The following GABRA3 variants were observed in gnomAD, a reference collection of about 807,000 sequenced individuals.
GABRA3 encodes gamma-aminobutyric acid type A receptor subunit alpha3.
GABRA3 carries 10 observed loss-of-function variants against 30.1 expected under a neutral mutation model. That is an observed-to-expected ratio of 0.33 (90% CI 0.20 to 0.56). GABRA3 has a LOEUF of 0.56. Among genes scored for constraint, GABRA3 ranks in the 20% least tolerant of loss-of-function variants. The probability of loss-of-function intolerance (pLI) is 0.89; values close to 1 mark genes in which losing one functional copy is unlikely to be tolerated. For missense variants in GABRA3, 233 were observed against 392.0 expected (o/e 0.59, Z 3.42); for synonymous variants, 151 against 146.8 (o/e 1.03, Z -0.21).
intron 9 of GABRA3, among the ~76,000 whole-genome samples, chrX:152,189,254 T>C (rs1033264633): frequency 1.8e-5 from 2 of 112,178 alleles, no homozygotes; most frequent in African/African-American, 6.5e-5. Flanking sequence ...AGTTGGGACT[T>C]GAAGAATGAG....
chrX:152,327,026 A>G (rs1940073322), intron 3 of GABRA3, among the ~76,000 whole-genome samples: 1 of 100,885 alleles, frequency 9.9e-6, no homozygotes, highest in Admixed American at 1.1e-4. Context: ...AAGCAAATGG[A>G]AAAAAAAAAA....
At chrX:152,248,389 C>A (rs151012115) in intron 5 of GABRA3, among the ~76,000 whole-genome samples, 1 of 111,489 alleles carries the variant, frequency 9.0e-6, no homozygotes, top group East Asian at 2.8e-4. Flanking sequence ...TACAATCTGT[C>A]GTGCTCTTTC....
intron 4 of GABRA3, among the ~76,000 whole-genome samples, chrX:152,261,958 C>T (rs1938737907): frequency 3.5e-5 from 4 of 112,727 alleles, no homozygotes; most frequent in South Asian, 3.7e-4. Context: ...TCCATACATC[C>T]TCTGAAATCT....
chrX:152,278,023 C>T (rs1939120132), intron 4 of GABRA3, among the ~76,000 whole-genome samples: 1 of 112,359 alleles, frequency 8.9e-6, no homozygotes, highest in African/African-American at 3.2e-5. Flanking sequence ...GCCATCCCAT[C>T]TTTCCTCTAC....
At chrX:152,245,951 T>C (rs1009456884) in intron 5 of GABRA3, among the ~76,000 whole-genome samples, 1 of 112,005 alleles carries the variant, frequency 8.9e-6, no homozygotes, top group Admixed American at 9.5e-5. Flanking sequence ...GGTATGGTAA[T>C]TGGCACATAG....
At chrX:152,230,417 A>G (rs927354884) in intron 5 of GABRA3, among the ~76,000 whole-genome samples, 2 of 111,332 alleles carry the variant, frequency 1.8e-5, no homozygotes, top group African/African-American at 6.5e-5. Flanking sequence ...AAATTGCTCT[A>G]TATATTCAAC....
intron 1 of GABRA3, among the ~76,000 whole-genome samples, chrX:152,420,264 C>T (rs1308414976): frequency 9.0e-6 from 1 of 110,547 alleles, no homozygotes; most frequent in African/African-American, 3.3e-5. Flanking sequence ...TACTAGAGGT[C>T]TTAGGCAATA....
At chrX:152,259,545 G>A (rs1168475299) in intron 4 of GABRA3, among the ~76,000 whole-genome samples, 1 of 111,665 alleles carries the variant, frequency 9.0e-6, no homozygotes, top group African/African-American at 3.3e-5. Flanking sequence ...TACCAGCTCA[G>A]CCAAAGCAGG....
At chrX:152,256,866 C>G (rs1938645455) in intron 4 of GABRA3, among the ~76,000 whole-genome samples, 1 of 111,661 alleles carries the variant, frequency 9.0e-6, no homozygotes, top group Non-Finnish European at 1.9e-5. Context: ...TGTGATTTTT[C>G]TTTCTTGAAG....
At chrX:152,341,633 G>A (rs1423970348) in intron 3 of GABRA3, among the ~76,000 whole-genome samples, 7 of 102,597 alleles carry the variant, frequency 6.8e-5, no homozygotes, top group Admixed American at 2.2e-4. Flanking sequence ...TCTGCCTCCC[G>A]GATTCAAGCC....
chrX:152,200,192 C>T (rs1166455410), intron 7 of GABRA3, among the ~76,000 whole-genome samples: 1 of 111,874 alleles, frequency 8.9e-6, no homozygotes, highest in Admixed American at 9.5e-5. Context: ...TTGCGATATG[C>T]CTGCTCTAAT....
At chrX:152,375,883 GA>G (rs1251876181) in intron 1 of GABRA3, among the ~76,000 whole-genome samples, 1 of 111,743 alleles carries the variant, frequency 8.9e-6, no homozygotes, top group Non-Finnish European at 1.9e-5. Flanking sequence ...AAGTCAAGAT[GA>G]TCAGAAGAGA....
intron 3 of GABRA3, among the ~76,000 whole-genome samples, chrX:152,293,951 G>T (rs1939474203): frequency 1.8e-5 from 2 of 111,655 alleles, no homozygotes; most frequent in South Asian, 7.5e-4. Flanking sequence ...GTTGAATATT[G>T]GCCCCTACTC....
chrX:152,369,140 C>T (rs1340587684), intron 1 of GABRA3, among the ~76,000 whole-genome samples: 1 of 110,700 alleles, frequency 9.0e-6, no homozygotes, highest in African/African-American at 3.3e-5. Context: ...TTGATAATGC[C>T]CAGTCTAACA....
At chrX:152,384,952 C>A (rs1427615832) in intron 1 of GABRA3, among the ~76,000 whole-genome samples, 1 of 111,187 alleles carries the variant, frequency 9.0e-6, no homozygotes, top group African/African-American at 3.3e-5. Flanking sequence ...AAAGGCACTT[C>A]ACAAAAAAGG....
At chrX:152,370,238 T>C (rs1305978434) in intron 1 of GABRA3, among the ~76,000 whole-genome samples, 1 of 112,079 alleles carries the variant, frequency 8.9e-6, no homozygotes, top group East Asian at 2.8e-4. Flanking sequence ...CTAAAACTTC[T>C]TTATTTCAGT....
At chrX:152,181,905 T>G (rs1238171960) in intron 9 of GABRA3, among the ~76,000 whole-genome samples, 1 of 111,326 alleles carries the variant, frequency 9.0e-6, no homozygotes, top group Non-Finnish European at 1.9e-5. Context: ...GCCCTTTATT[T>G]CTTTCTCTTG....
intron 1 of GABRA3, among the ~76,000 whole-genome samples, chrX:152,399,544 A>G (rs1190122468): frequency 1.8e-5 from 2 of 111,801 alleles, no homozygotes; most frequent in African/African-American, 3.3e-5. Context: ...AAATAAGAGG[A>G]GAGTGGATAG....
intron 5 of GABRA3, among the ~76,000 whole-genome samples, chrX:152,232,363 G>A (rs927595056): frequency 1.0e-4 from 11 of 109,469 alleles, no homozygotes; most frequent in African/African-American, 3.0e-4. Flanking sequence ...ACTATCACCC[G>A]AATAATGTAT....
Sources: allele counts gnomAD v4.1 joint callset (sites outside exome capture counted in the v4.1 genomes callset), GRCh38; gene constraint gnomAD v4.1.1; transcripts MANE v1.5; gene names NCBI Gene and HGNC (gene_info 2026-07-23, HGNC 2026-07-21).